Variants in RSU1 observed in about 807,000 individuals in gnomAD.
RSU1 encodes Ras suppressor protein 1.
Under a neutral mutation model 31.1 loss-of-function variants are expected in RSU1, and 26 were observed. The observed-to-expected ratio is 0.84, with a 90% confidence interval of 0.61 to 1.16. The LOEUF (loss-of-function observed/expected upper bound fraction) is 1.16, where lower values mean the gene tolerates loss of function less well. Ranked by LOEUF, RSU1 falls within the 50% of genes most tolerant of loss-of-function variation. The pLI, the probability that RSU1 is intolerant of heterozygous loss-of-function variation, is 0.00. For synonymous variants in RSU1, 164 were observed against 136.3 expected, an observed-to-expected ratio of 1.20 and a Z score of -1.41; for missense variants, 320 against 339.1, an observed-to-expected ratio of 0.94 and a Z score of 0.44.
chr10:16,604,311 G>C (rs767950124), intron 8 of RSU1, among the ~76,000 whole-genome samples: 3 of 152,188 alleles, frequency 2.0e-5, no homozygotes, highest in African/African-American at 7.2e-5. Context: ...ACTATAAGCA[G>C]ACCAGGGATA....
chr10:16,724,673 C>T (rs1836347922), intron 7 of RSU1, among the ~76,000 whole-genome samples: 2 of 152,122 alleles, frequency 1.3e-5, no homozygotes, highest in South Asian at 4.1e-4. Flanking sequence ...GTGACAGGAA[C>T]GAGGGAGGGG....
chr10:16,762,204 G>A lies in RSU1; in HGVS notation c.281+2186C>T, dbSNP rs946578666. ...ACATAGTCATGGAATCAATGAAAAC[G>A]TAAATAAGACAATTATGATGATAAC... is the stretch of plus-strand genomic sequence containing the variant. On this transcript the variant is annotated intron_variant, in intron 4 of 8. Transcript: ENST00000345264. Among the ~76,000 whole-genome samples, 15 of 151,936 alleles carry A rather than the reference G, an allele frequency of 9.9e-5. 1 individual carries two copies. Among genetic ancestry groups the A allele is most frequent in the Admixed American group, 7.9e-4 (12 of 15,242 alleles).
intron 8 of RSU1, among the ~76,000 whole-genome samples, chr10:16,645,896 ATATACACATATATGTATATATATGTG>A (rs1564298191): frequency 2.5e-4 from 27 of 106,642 alleles, no homozygotes; most frequent in Non-Finnish European, 3.4e-4. Flanking sequence ...ACATATATGT[ATATACACATATATGTATATATATGTG>A]TATATACACA....
intron 7 of RSU1, among the ~76,000 whole-genome samples, chr10:16,695,410 G>A (rs78455926): frequency 2.0e-5 from 3 of 152,314 alleles, no homozygotes; most frequent in South Asian, 2.1e-4. Context: ...CAGAGGGAAG[G>A]AGGTATTTGC....
chr10:16,628,010 T>C (rs1480269830), intron 8 of RSU1, among the ~76,000 whole-genome samples: 1 of 152,128 alleles, frequency 6.6e-6, no homozygotes, highest in Non-Finnish European at 1.5e-5. Flanking sequence ...TTCCTTGAGT[T>C]AGAGGGAGAC....
intron 8 of RSU1, among the ~76,000 whole-genome samples, chr10:16,650,869 C>T (rs1834673899): frequency 6.6e-6 from 1 of 152,156 alleles, no homozygotes; most frequent in Non-Finnish European, 1.5e-5. Context: ...GCGTGAGCCA[C>T]TGCACCTGGC....
chr10:16,777,001 G>T (rs1837546689), intron 3 of RSU1, among the ~76,000 whole-genome samples: 1 of 151,640 alleles, frequency 6.6e-6, no homozygotes, highest in Admixed American at 6.6e-5. Context: ...TTTACGTGTG[G>T]GTTTTGCTGT....
chr10:16,795,119 C>T (rs1044973768), intron 2 of RSU1, among the ~76,000 whole-genome samples: 4 of 152,056 alleles, frequency 2.6e-5, no homozygotes, highest in Non-Finnish European at 4.4e-5. Flanking sequence ...TTCGGGAGGC[C>T]GGGGCAGGCA....
intron 7 of RSU1, among the ~76,000 whole-genome samples, chr10:16,742,786 G>A (rs1836778886): frequency 6.6e-6 from 1 of 152,128 alleles, no homozygotes; most frequent in African/African-American, 2.4e-5. Context: ...CTGACACTGG[G>A]CTTCCTGAAA....
At chr10:16,668,016 T>C (rs376231647) in intron 8 of RSU1, among the ~76,000 whole-genome samples, 59 of 152,296 alleles carry the variant, frequency 3.9e-4, no homozygotes, top group African/African-American at 1.3e-3. Context: ...ATTCTGATAA[T>C]AGAATAACTG....
At chr10:16,795,111 C>T (rs572695889) in intron 2 of RSU1, among the ~76,000 whole-genome samples, 37 of 152,214 alleles carry the variant, frequency 2.4e-4, no homozygotes, top group Admixed American at 1.4e-3. Context: ...TCCAGCACTT[C>T]GGGAGGCCGG....
intron 8 of RSU1, among the ~76,000 whole-genome samples, chr10:16,668,201 A>G (rs889275888): frequency 1.2e-4 from 19 of 152,230 alleles, no homozygotes; most frequent in Admixed American, 3.3e-4. Context: ...ATCATGATTA[A>G]TAAGTATTCA....
intron 8 of RSU1, among the ~76,000 whole-genome samples, chr10:16,626,554 T>C (rs1395947533): frequency 2.6e-5 from 4 of 152,306 alleles, no homozygotes; most frequent in South Asian, 2.1e-4. Context: ...CCTGTCTGGA[T>C]GCACTGGGGA....
chr10:16,801,011 T>C (rs1838144339), intron 2 of RSU1, among the ~76,000 whole-genome samples: 1 of 150,680 alleles, frequency 6.6e-6, no homozygotes, highest in East Asian at 1.9e-4. Context: ...ATTTTGTAGG[T>C]ATTAATCTAA....
At chr10:16,650,920 G>T (rs1834674812) in intron 8 of RSU1, among the ~76,000 whole-genome samples, 1 of 152,110 alleles carries the variant, frequency 6.6e-6, no homozygotes, top group Non-Finnish European at 1.5e-5. Context: ...GAGAAAGCAG[G>T]AGTTTTTCAT....
chr10:16,631,204 G>C (rs903575360), intron 8 of RSU1, among the ~76,000 whole-genome samples: 1 of 152,170 alleles, frequency 6.6e-6, no homozygotes, highest in African/African-American at 2.4e-5. Flanking sequence ...TTCCACAGGA[G>C]AGATGTGAAG....
At chr10:16,716,171 T>C (rs1382590304) in intron 7 of RSU1, among the ~76,000 whole-genome samples, 1 of 151,990 alleles carries the variant, frequency 6.6e-6, no homozygotes, top group African/African-American at 2.4e-5. Context: ...AGTTCAAATG[T>C]AGGAAAAGGA....
At chr10:16,621,338 A>T (rs1834066522) in intron 8 of RSU1, among the ~76,000 whole-genome samples, 1 of 152,176 alleles carries the variant, frequency 6.6e-6, no homozygotes, top group Admixed American at 6.5e-5. Flanking sequence ...GGTAAAATTA[A>T]ATCTGAGGCC....
At chr10:16,744,586 A>T (rs1014986173) in intron 7 of RSU1, among the ~76,000 whole-genome samples, 6 of 152,204 alleles carry the variant, frequency 3.9e-5, no homozygotes, top group African/African-American at 1.4e-4. Context: ...GGAACAAGTT[A>T]ATAATCATAT....
Sources: allele counts gnomAD v4.1 joint callset (sites outside exome capture counted in the v4.1 genomes callset), GRCh38; gene constraint gnomAD v4.1.1; transcripts MANE v1.5; gene names NCBI Gene and HGNC (gene_info 2026-07-23, HGNC 2026-07-21).